AGO4: variants seen among roughly 807,000 people sequenced by gnomAD.
AGO4 encodes argonaute RISC component 4.
AGO4 carries 33 observed loss-of-function variants against 104.7 expected under a neutral mutation model. The observed-to-expected ratio is 0.32, with a 90% CI of 0.24 to 0.42. The LOEUF (loss-of-function observed/expected upper bound fraction) is 0.42. Ranked by LOEUF, AGO4 falls within the 10% of genes least tolerant of loss-of-function variation. The probability of loss-of-function intolerance (pLI) is 1.00; values close to 1 mark genes in which losing one functional copy is unlikely to be tolerated. For synonymous variants in AGO4, 331 were observed against 364.7 expected, an observed-to-expected ratio of 0.91 and a Z score of 1.05; for missense variants, 711 against 1,083.4, an observed-to-expected ratio of 0.66 and a Z score of 4.83.
At chr1:35,819,732 C>CAAAA (rs142782775) in intron 2 of AGO4, among the ~76,000 whole-genome samples, 2 of 107,354 alleles carry the variant, frequency 1.9e-5, no homozygotes, top group Non-Finnish European at 3.5e-5. Flanking sequence ...GACTCTGTCT[C>CAAAA]AAAAAAAAAA....
At chr1:35,834,999 T>G (rs1267661578) in intron 12 of AGO4, among the ~76,000 whole-genome samples, 3 of 145,112 alleles carry the variant, frequency 2.1e-5, no homozygotes, top group African/African-American at 2.5e-5. Context: ...GCCCAGCCAG[T>G]TTTAAACTTT....
At chr1:35,825,639 A>G in intron 4 of AGO4, 40 bp from the exon 5 acceptor site, 1 of 1,530,128 alleles carries the variant, frequency 6.5e-7, no homozygotes, top group Non-Finnish European at 8.8e-7. Context: ...AGGACCTTTC[A>G]CATGTTTAAT....
intron 7 of AGO4, 110 bp from the exon 8 acceptor site, chr1:35,831,317 C>T: frequency 8.1e-7 from 1 of 1,241,448 alleles, no homozygotes; most frequent in East Asian, 2.5e-5. Flanking sequence ...ACGCCATGCA[C>T]TCCAGCCTGG....
chr1:35,851,902 T>C (rs1444436247), intron 17 of AGO4, among the ~76,000 whole-genome samples: 1 of 152,194 alleles, frequency 6.6e-6, no homozygotes, highest in Non-Finnish European at 1.5e-5. Context: ...ATTTTATGTT[T>C]CAGTATGGGA....
At chr1:35,828,399 T>A (rs1644088091) in intron 7 of AGO4, among the ~76,000 whole-genome samples, 1 of 152,088 alleles carries the variant, frequency 6.6e-6, no homozygotes, top group Non-Finnish European at 1.5e-5. Flanking sequence ...TTGTGTTTTG[T>A]GTGGATTTCT....
intron 1 of AGO4, among the ~76,000 whole-genome samples, chr1:35,812,387 C>G (rs1257653890): frequency 6.6e-6 from 1 of 152,118 alleles, no homozygotes; most frequent in Admixed American, 6.6e-5. Flanking sequence ...TCTTCTGCCT[C>G]TGCCTCTTTG....
rs1643378313 is a variant in AGO4 at position 35,808,563 on chromosome 1, C to T, written c.19+128C>T. On this transcript the variant is annotated intron_variant, in intron 1 of 17. Coordinates refer to ENST00000373210, the MANE Select transcript of AGO4 (RefSeq NM_017629.4). This position sits in a 1 kb window ranked among gnomAD's most constrained non-coding sequence, Gnocchi z 5.2. ...GGCCTCGGGGAAGGGGACCCGAGCCCCGCAGCACGAAGCGGAGGGAGCTGA... is the reference window on the plus strand; with the variant it reads ...GGCCTCGGGGAAGGGGACCCGAGCCTCGCAGCACGAAGCGGAGGGAGCTGA... 3 of 872,748 alleles carry T rather than the reference C, an allele frequency of 3.4e-6. No individual in the cohort carries two copies. The highest frequency in any genetic ancestry group is 3.6e-5 in the African/African-American group (2 of 55,280). The allele number at this position is 872,748 out of a possible 1,614,324, so 54.1% of individuals were successfully genotyped here. A position where few individuals can be genotyped will look rare whatever the true frequency, so the allele number is the denominator to read the frequency against.
Position 35,841,066 on chromosome 1 carries a change from A to G in AGO4, c.1725-99A>G. ...TGGGCTTAAGTCTTTGTTCTCTCTT[A>G]TAAGGTTATATCTGATTATATCTGG... On this transcript the variant is annotated intron_variant, in intron 13 of 17. Coordinates refer to ENST00000373210, the MANE Select transcript of AGO4 (RefSeq NM_017629.4). The surrounding 1 kb of genome is among the most constrained non-coding windows in gnomAD (Gnocchi z 4.7). 2 of 1,300,140 alleles carry G rather than the reference A, an allele frequency of 1.5e-6. No homozygotes were observed. Among genetic ancestry groups the G allele is most frequent in the Non-Finnish European group, 2.1e-6 (2 of 935,152 alleles). 80.5% of individuals were successfully genotyped at this position (1,300,140 alleles called of 1,614,324 possible).
At chr1:35,834,780 C>A (rs1644266114) in intron 12 of AGO4, among the ~76,000 whole-genome samples, 2 of 152,204 alleles carry the variant, frequency 1.3e-5, no homozygotes, top group African/African-American at 2.4e-5. Context: ...ATCTCAGCCT[C>A]ACAATCCTGG....
At chr1:35,850,117 G>T in intron 15 of AGO4, 40 bp from the exon 16 acceptor site, 2 of 1,431,904 alleles carry the variant, frequency 1.4e-6, no homozygotes, top group South Asian at 1.3e-5. Context: ...ACCACAGTTT[G>T]GCACTTTGAT....
chr1:35,846,915 G>T (rs918683726), intron 15 of AGO4, among the ~76,000 whole-genome samples: 12 of 152,122 alleles, frequency 7.9e-5, no homozygotes, highest in African/African-American at 2.4e-4. Context: ...AGGCGTGGTG[G>T]TGCATACCTG....
Position 35,841,649 on chromosome 1 carries a change from G to T in AGO4, c.2074G>T (p.Ala692Ser), listed in dbSNP as rs1644446099. 6.2e-7 allele frequency: 1 copy of T among 1,613,762 alleles called. No individual in the cohort carries two copies. Among genetic ancestry groups the T allele is most frequent in the South Asian group, 1.1e-5 (1 of 91,076 alleles). Residue 692 changes from alanine (A) to serine (S), a missense_variant, in exon 15 of 18, where the codon GCA becomes TCA. By Grantham distance (99) the Ala-to-Ser change is moderately conservative. Coordinates refer to ENST00000373210, the MANE Select transcript of AGO4 (RefSeq NM_017629.4). The surrounding 1 kb of genome is among the most constrained non-coding windows in gnomAD (Gnocchi z 4.7). ...GCCAGAACTAATAGCAATTCGAAAG[G>T]CATGTATTAGCTTGGAAGAAGATTA... ...AWPELIAIRK[A>S]CISLEEDYRP...
In AGO4 at chr1:35,855,521, C is replaced by T. The variant is rs563686618; in HGVS notation, c.*1916C>T. ...GAGAGAGTTTTATGTCGATCGAGGC[C>T]TGTTGCTCATTAAGCTGAGTGCAGA... On this transcript the variant is annotated 3_prime_UTR_variant, in exon 18 of 18. Coordinates refer to ENST00000373210, the MANE Select transcript of AGO4 (RefSeq NM_017629.4). The T allele has an allele frequency of 4.4e-4, 67 of 152,684 alleles. No individual in the cohort carries two copies. Among genetic ancestry groups the T allele is most frequent in the African/African-American group, 1.5e-3 (64 of 41,548 alleles). 9.5% of individuals were successfully genotyped at this position (152,684 alleles called of 1,614,324 possible).
intron 6 of AGO4, 81 bp from the exon 7 acceptor site, chr1:35,826,667 A>ATT (rs1644027622): frequency 8.1e-7 from 1 of 1,227,198 alleles, no homozygotes; most frequent in Non-Finnish European, 1.2e-6. Context: ...ATGTCATGAC[A>ATT]TTTTGAAGAC....
Position 35,808,384 on chromosome 1 carries a change from G to A in AGO4, c.-33G>A. Reference sequence around the variant, plus strand: ...GGCGGGGCCCGGAGCGGGAGGCGCCGGGGACCGGGGCGAGGCGGCCCCCGC... The same window carrying A: ...GGCGGGGCCCGGAGCGGGAGGCGCCAGGGACCGGGGCGAGGCGGCCCCCGC... On this transcript the variant is annotated 5_prime_UTR_variant, in exon 1 of 18. Transcript: ENST00000373210. The surrounding 1 kb of genome is among the most constrained non-coding windows in gnomAD (Gnocchi z 5.2). 1 of 1,069,962 alleles carries A rather than the reference G, an allele frequency of 9.3e-7. No individual in the cohort carries two copies. Among genetic ancestry groups the A allele is most frequent in the Non-Finnish European group, 1.1e-6 (1 of 886,736 alleles). The allele number at this position is 1,069,962 out of a possible 1,614,324, so 66.3% of individuals were successfully genotyped here.
rs1260562395 is a variant in AGO4 at position 35,841,733 on chromosome 1, G to A, written c.2158G>A (p.Ala720Thr). ...AAGACATCACACACGACTCTTCTGT[G>A]CAGATAAAACAGAAAGGGTAAGAAG... ...QKRHHTRLFC[A>T]DKTERVGKSG... The change falls in exon 15 of 18, where the codon GCA (alanine) becomes ACA (threonine). Residue 720 changes from alanine to threonine, a missense_variant. This residue lies in a region of AGO4 where 401 missense variants were observed against 665.5 expected (regional missense o/e 0.60). Coordinates refer to ENST00000373210, the MANE Select transcript of AGO4 (RefSeq NM_017629.4). The surrounding 1 kb of genome is among the most constrained non-coding windows in gnomAD (Gnocchi z 4.7). 3.1e-6 allele frequency: 5 copies of A among 1,613,472 alleles called. No homozygotes were observed. Among genetic ancestry groups the A allele is most frequent in the Non-Finnish European group, 1.7e-6 (2 of 1,179,892 alleles).
intron 1 of AGO4, among the ~76,000 whole-genome samples, chr1:35,811,570 G>A (rs757364872): frequency 6.6e-6 from 1 of 151,866 alleles, no homozygotes; most frequent in East Asian, 1.9e-4. Flanking sequence ...TTTACTGAGC[G>A]TTTACTATTG....
intron 13 of AGO4, 87 bp downstream of exon 13, chr1:35,836,080 T>C (rs1355823388): frequency 2.9e-6 from 4 of 1,389,644 alleles, no homozygotes; most frequent in Non-Finnish European, 3.9e-6. Flanking sequence ...TATATGCATC[T>C]AGATTACCTT....
intron 6 of AGO4, 132 bp from the exon 7 acceptor site, chr1:35,826,611 TAACGA>T: frequency 1.3e-6 from 1 of 773,194 alleles, no homozygotes; most frequent in Admixed American, 2.1e-5. Flanking sequence ...TTTTTGCCTA[TAACGA>T]TGAAATTGTC....
Sources: allele counts gnomAD v4.1 joint callset (sites outside exome capture counted in the v4.1 genomes callset), GRCh38; gene constraint gnomAD v4.1.1; regional missense constraint gnomAD v4.1.1; non-coding constraint Gnocchi (gnomAD v3.1); transcripts MANE v1.5; gene names NCBI Gene and HGNC (gene_info 2026-07-23, HGNC 2026-07-21).